Variants in THOP1 observed in about 807,000 individuals in gnomAD.
THOP1 encodes the protein thimet oligopeptidase 1.
A neutral mutation model predicts 71.8 loss-of-function variants in THOP1; 49 were observed. The ratio of observed to expected loss-of-function variants is 0.68; its 90% confidence interval spans 0.54 to 0.87. The LOEUF (loss-of-function observed/expected upper bound fraction) is 0.87. Ranked by LOEUF, THOP1 falls within the 40% of genes least tolerant of loss-of-function variation. The pLI is 0.00. For synonymous variants in THOP1, 426 were observed against 421.5 expected (o/e 1.01, Z -0.13); for missense variants, 843 against 975.6 (o/e 0.86, Z 1.81).
chr19:2,792,611 A>G (rs1326344997), intron 2 of THOP1, among the ~76,000 whole-genome samples: 1 of 151,784 alleles, frequency 6.6e-6, no homozygotes, highest in Non-Finnish European at 1.5e-5. Context: ...TGCAAAGTAT[A>G]TGCTTTTTTT....
Position 2,785,567 on chromosome 19 carries a change from G to T in THOP1, c.-96G>T. On this transcript the variant is annotated 5_prime_UTR_variant, in exon 1 of 13. Transcript: ENST00000307741. ...TCAGGCGGCCGTGGCGGCGGTGGCG[G>T]CGGTTGGGCCGAGGCAGGCGGCCTC... The T allele has an allele frequency of 7.2e-7, 1 of 1,388,218 alleles. No individual in the cohort carries two copies. Among genetic ancestry groups the T allele is most frequent in the Non-Finnish European group, 9.5e-7 (1 of 1,053,064 alleles). The allele number at this position is 1,388,218 out of a possible 1,614,324, so 86.0% of individuals were successfully genotyped here. A position where few individuals can be genotyped will look rare whatever the true frequency, so the allele number is the denominator to read the frequency against.
In THOP1 at chr19:2,804,959, T is replaced by C. The variant is rs1240104835; in HGVS notation, c.590-57T>C. ...AGCCCACCCCTTCCCTCACACGCTG[T>C]GTGCAGGCTGTGGGCCCATCAGTCC... On this transcript the variant is annotated intron_variant, in intron 5 of 12. Coordinates refer to ENST00000307741, the MANE Select transcript of THOP1 (RefSeq NM_003249.5). The surrounding 1 kb of genome is among the most constrained non-coding windows in gnomAD (Gnocchi z 4.7). The C allele has an allele frequency of 6.5e-6, 10 of 1,540,516 alleles. No individual in the cohort carries two copies. Among genetic ancestry groups the C allele is most frequent in the Non-Finnish European group, 8.8e-6 (10 of 1,138,798 alleles).
Position 2,805,393 on chromosome 19 carries a change from A to T in THOP1, c.750+217A>T, listed in dbSNP as rs1916265747. ...CACCCAGACCCTGGGGCCACAGCTC[A>T]GGGCCCAGTTCATCCTTCCCAAGCT... On this transcript the variant is annotated intron_variant, in intron 6 of 12. Transcript: ENST00000307741. The surrounding 1 kb of genome is among the most constrained non-coding windows in gnomAD (Gnocchi z 6.6). Among the ~76,000 whole-genome samples, 2 of 152,134 alleles carry T rather than the reference A, an allele frequency of 1.3e-5. No homozygotes were observed. The highest frequency in any genetic ancestry group is 1.3e-4 in the Admixed American group (2 of 15,282).
Position 2,813,430 on chromosome 19 carries a change from C to T in THOP1, c.*154C>T, listed in dbSNP as rs1050484349. The T allele has an allele frequency of 1.5e-5, 15 of 992,214 alleles. No individual in the cohort carries two copies. Among genetic ancestry groups the T allele is most frequent in the South Asian group, 9.3e-5 (5 of 53,800 alleles). The allele number at this position is 992,214 out of a possible 1,614,324, so 61.5% of individuals were successfully genotyped here. On this transcript the variant is annotated 3_prime_UTR_variant, in exon 13 of 13. Coordinates refer to ENST00000307741, the MANE Select transcript of THOP1 (RefSeq NM_003249.5). ...CCTCTTGTCATTGTCTGTCCCCACCCGGTCGTGGCCCACCCGGCTAGAGAC... is the reference window on the plus strand; with the variant it reads ...CCTCTTGTCATTGTCTGTCCCCACCTGGTCGTGGCCCACCCGGCTAGAGAC...
Position 2,811,824 on chromosome 19 carries a change from CGCGGGG to C in THOP1, c.1908+91_1908+96del, listed in dbSNP as rs1568327375. 23 of 1,505,406 alleles carry C rather than the reference CGCGGGG, an allele frequency of 1.5e-5. 1 individual carries two copies. 93.3% of individuals were successfully genotyped at this position (1,505,406 alleles called of 1,614,324 possible). On this transcript the variant is annotated intron_variant, in intron 12 of 12. Transcript: ENST00000307741. Reference sequence around the variant, plus strand: ...GGAGGGCGTCCTGAATGGCAAGGTACGCGGGGACTGGGGACAGGGAGGGCGTCCTGA... The same window carrying C: ...GGAGGGCGTCCTGAATGGCAAGGTACACTGGGGACAGGGAGGGCGTCCTGA...
intron 4 of THOP1, among the ~76,000 whole-genome samples, chr19:2,799,155 G>A (rs1036165290): frequency 2.6e-5 from 4 of 152,144 alleles, no homozygotes; most frequent in African/African-American, 9.7e-5. Context: ...GTGAAACCCC[G>A]TCTGTACCAA....
rs370445695 is a variant in THOP1 at position 2,807,484 on chromosome 19, G to A, written c.929G>A (p.Arg310His). 3.4e-5 allele frequency: 55 copies of A among 1,609,076 alleles called. No individual in the cohort carries two copies. The highest frequency in any genetic ancestry group is 6.6e-5 in the South Asian group (6 of 90,912). Residue 310 changes from arginine to histidine, a missense_variant, in exon 8 of 13, where the codon CGT (arginine) becomes CAT (histidine). Arg to His is a conservative substitution (Grantham distance 29). Transcript: ENST00000307741. ...CTGAAGCCCCTGGGGGAGCAGGAGC[G>A]TGCGGTGATTCTGGAGCTGAAGCGT... ...QKLKPLGEQE[R>H]AVILELKRAE...
intron 4 of THOP1, among the ~76,000 whole-genome samples, chr19:2,796,683 A>C (rs1916022605): frequency 1.3e-5 from 2 of 151,512 alleles, no homozygotes; most frequent in African/African-American, 2.4e-5. Flanking sequence ...GGGTGCGGGG[A>C]GTGCTGGGCG....
In THOP1 at chr19:2,790,605, G is replaced by T; in HGVS notation, c.201G>T (p.Ala67=). The T allele has an allele frequency of 1.9e-6, 3 of 1,581,640 alleles. No homozygotes were observed. The highest frequency in any genetic ancestry group is 1.8e-5 in the Admixed American group (1 of 54,942). ...TGTCCTACGAGAGCACGCTCAAGGC[G>T]CTGGCCGATGTGGAGGTCACCTACA... ...EDVSYESTLK[A]LADVEVTYTV... The change falls in exon 2 of 13, where the codon GCG becomes GCT. Residue 67 remains alanine, a synonymous_variant. Coordinates refer to ENST00000307741, the MANE Select transcript of THOP1 (RefSeq NM_003249.5).
intron 4 of THOP1, among the ~76,000 whole-genome samples, chr19:2,797,397 C>T (rs907089057): frequency 6.6e-6 from 1 of 152,200 alleles, no homozygotes; most frequent in Non-Finnish European, 1.5e-5. Context: ...CCTGATTCAC[C>T]ATGGTGTGTG....
chr19:2,795,027 T>C, intron 3 of THOP1, 115 bp downstream of exon 3: 1 of 1,274,450 alleles, frequency 7.8e-7, no homozygotes, highest in South Asian at 1.4e-5. Flanking sequence ...TTTCAACGTG[T>C]TGGTCAGGCT....
At chr19:2,792,576 G>A (rs1915912081) in intron 2 of THOP1, among the ~76,000 whole-genome samples, 1 of 151,612 alleles carries the variant, frequency 6.6e-6, no homozygotes, top group African/African-American at 2.4e-5. Context: ...TGGCCAGACT[G>A]CAATTTGAAT....
At chr19:2,798,832 T>A (rs1916078653) in intron 4 of THOP1, among the ~76,000 whole-genome samples, 1 of 152,242 alleles carries the variant, frequency 6.6e-6, no homozygotes. Flanking sequence ...CAGGAGAATC[T>A]GAGTCAAAGT....
rs770088264 is a variant in THOP1, at chr19:2,801,420, G to A, written c.589+1629G>A. Among the ~76,000 whole-genome samples the A allele has an allele frequency of 7.9e-5, 12 of 152,094 alleles. No homozygotes were observed. The highest frequency in any genetic ancestry group is 1.9e-4 in the East Asian group (1 of 5,194). On this transcript the variant is annotated intron_variant, in intron 5 of 12. Transcript: ENST00000307741. This position sits in a 1 kb window ranked among gnomAD's most constrained non-coding sequence, Gnocchi z 5.1. ...TCTTTGGGGTGCCGTTCCATTTGTC[G>A]GGCCTGAGGGGTCTCCCGTGCAGGT...
intron 1 of THOP1, among the ~76,000 whole-genome samples, chr19:2,787,200 G>A (rs1915767027): frequency 6.6e-6 from 1 of 152,132 alleles, no homozygotes; most frequent in African/African-American, 2.4e-5. Context: ...TGCCCGGCCT[G>A]GGTTTTAGAA....
chr19:2,803,281 C>A (rs1040214731), intron 5 of THOP1, among the ~76,000 whole-genome samples: 1 of 152,220 alleles, frequency 6.6e-6, no homozygotes, highest in African/African-American at 2.4e-5. Flanking sequence ...TGGACACACA[C>A]ACTCTTCTAT....
chr19:2,808,239 C>G lies in THOP1; in HGVS notation c.1254-4C>G. ...GCGGGGCCTGACGCTGCCTCCCTCC[C>G]CAGGGAAGGAAAGTACGGGCACGCG... On this transcript the variant is annotated splice_region_variant and splice_polypyrimidine_tract_variant and intron_variant, in intron 8 of 12. Coordinates refer to ENST00000307741, the MANE Select transcript of THOP1 (RefSeq NM_003249.5). 6.5e-7 allele frequency: 1 copy of G among 1,545,694 alleles called. No homozygotes were observed. Among genetic ancestry groups the G allele is most frequent in the Non-Finnish European group, 8.7e-7 (1 of 1,143,674 alleles).
intron 9 of THOP1, among the ~76,000 whole-genome samples, chr19:2,809,385 A>T (rs963992620): frequency 6.6e-6 from 1 of 152,160 alleles, no homozygotes; most frequent in Non-Finnish European, 1.5e-5. Context: ...CAAAATCACC[A>T]AGAGCAGAAA....
At chr19:2,811,559 G>A (rs1330371413) in intron 11 of THOP1, 39 bp from the exon 12 acceptor site, 10 of 1,587,522 alleles carry the variant, frequency 6.3e-6, no homozygotes, top group East Asian at 2.3e-5. Flanking sequence ...AGCATGGGGT[G>A]GGGGCTACAG....
Sources: gnomAD v4.1 joint callset for allele counts (sites outside exome capture counted in the v4.1 genomes callset) on GRCh38, gnomAD v4.1.1 for gene constraint, Gnocchi (gnomAD v3.1) non-coding constraint, MANE v1.5 for transcripts, NCBI Gene and HGNC (gene_info 2026-07-23, HGNC 2026-07-21) for gene names.